The following ST18 variants were observed in gnomAD, a reference collection of about 807,000 sequenced individuals.
ST18 encodes suppression of tumorigenicity 18 protein.
In ST18, 50 loss-of-function variants were observed where a neutral mutation model predicts 110.0. The ratio of observed to expected loss-of-function variants is 0.45; its 90% CI spans 0.36 to 0.58. The LOEUF (loss-of-function observed/expected upper bound fraction) is 0.58, where lower values mean the gene tolerates loss of function less well. Among genes scored for constraint, ST18 ranks in the 20% least tolerant of loss-of-function variants. The pLI, the probability that ST18 is intolerant of heterozygous loss-of-function variation, is 0.00. For missense variants in ST18, 1,306 were observed against 1,280.1 expected (o/e 1.02, Z -0.31); for synonymous variants, 461 against 452.4 (o/e 1.02, Z -0.24).
At chr8:52,216,211 T>A (rs1450746430) in intron 6 of ST18, among the ~76,000 whole-genome samples, 1 of 152,146 alleles carries the variant, frequency 6.6e-6, no homozygotes, top group African/African-American at 2.4e-5. Flanking sequence ...TTAAGCTGAA[T>A]TCTATTTTGC....
chr8:52,316,493 C>T (rs2096029261), intron 2 of ST18, among the ~76,000 whole-genome samples: 1 of 152,156 alleles, frequency 6.6e-6, no homozygotes, highest in African/African-American at 2.4e-5. Context: ...TGAGTCTTCC[C>T]ATGAACACAA....
intron 2 of ST18, among the ~76,000 whole-genome samples, chr8:52,335,081 A>T (rs1811424871): frequency 6.6e-6 from 1 of 152,170 alleles, no homozygotes; most frequent in South Asian, 2.1e-4. Context: ...TTATTTCTAG[A>T]ATTTTACCTT....
chr8:52,331,924 C>T (rs1809622308), intron 2 of ST18, among the ~76,000 whole-genome samples: 1 of 152,156 alleles, frequency 6.6e-6, no homozygotes, highest in East Asian at 1.9e-4. Context: ...TTCTCACATT[C>T]TGCCATCATC....
intron 17 of ST18, among the ~76,000 whole-genome samples, chr8:52,138,655 C>A (rs2053513425): frequency 6.6e-6 from 1 of 152,100 alleles, no homozygotes; most frequent in African/African-American, 2.4e-5. Context: ...TAATAGATTC[C>A]TTGGTTTCTC....
intron 2 of ST18, among the ~76,000 whole-genome samples, chr8:52,272,602 G>T (rs999313852): frequency 2.7e-5 from 4 of 149,414 alleles, no homozygotes; most frequent in Non-Finnish European, 5.9e-5. Flanking sequence ...GGGAACCCTT[G>T]TATACTGCGG....
At chr8:52,148,413 A>G (rs1427626037) in intron 16 of ST18, among the ~76,000 whole-genome samples, 1 of 152,154 alleles carries the variant, frequency 6.6e-6, no homozygotes, top group Non-Finnish European at 1.5e-5. Flanking sequence ...TCAGATGCTG[A>G]GGATGTCTCC....
intron 15 of ST18, among the ~76,000 whole-genome samples, chr8:52,156,659 G>A (rs949041110): frequency 7.9e-5 from 12 of 152,180 alleles, no homozygotes; most frequent in African/African-American, 2.9e-4. Flanking sequence ...GAATAAATGA[G>A]ATTCTCTTCA....
chr8:52,366,615 G>A (rs770753192), intron 2 of ST18, among the ~76,000 whole-genome samples: 20 of 152,160 alleles, frequency 1.3e-4, no homozygotes, highest in Non-Finnish European at 2.6e-4. Context: ...CGCTTCATCT[G>A]CGTAACTGCC....
intron 15 of ST18, among the ~76,000 whole-genome samples, chr8:52,151,740 G>A (rs143942437): frequency 2.1e-4 from 32 of 152,194 alleles, no homozygotes; most frequent in African/African-American, 7.5e-4. Context: ...CCAACGTAAA[G>A]TAAAATGCTA....
At chr8:52,167,907 T>G (rs2063552039) in intron 10 of ST18, among the ~76,000 whole-genome samples, 1 of 151,936 alleles carries the variant, frequency 6.6e-6, no homozygotes, top group Admixed American at 6.6e-5. Context: ...TGGCACACAC[T>G]TTGCCACAAC....
chr8:52,200,466 G>A (rs975879246), intron 8 of ST18, among the ~76,000 whole-genome samples: 1 of 152,178 alleles, frequency 6.6e-6, no homozygotes, highest in African/African-American at 2.4e-5. Context: ...GGCAGGTCTG[G>A]GGGACCCAGC....
intron 2 of ST18, among the ~76,000 whole-genome samples, chr8:52,280,135 G>A (rs1039249516): frequency 2.0e-5 from 3 of 151,952 alleles, no homozygotes; most frequent in South Asian, 4.2e-4. Context: ...ACATATATGT[G>A]AAAATTTGTA....
intron 2 of ST18, among the ~76,000 whole-genome samples, chr8:52,374,928 A>G (rs1283008128): frequency 6.6e-6 from 1 of 152,058 alleles, no homozygotes; most frequent in Admixed American, 6.5e-5. Context: ...GTACTTTGTT[A>G]TGGCAGCCAC....
At chr8:52,185,625 A>G (rs2071774874) in intron 8 of ST18, among the ~76,000 whole-genome samples, 1 of 152,156 alleles carries the variant, frequency 6.6e-6, no homozygotes, top group Non-Finnish European at 1.5e-5. Context: ...GGGTCCAGAA[A>G]TAGACCCACA....
chr8:52,335,332 G>A (rs912088616), intron 2 of ST18, among the ~76,000 whole-genome samples: 10 of 150,412 alleles, frequency 6.6e-5, no homozygotes, highest in East Asian at 1.9e-4. Flanking sequence ...CCTCCCTCTC[G>A]CCTGCCTCAG....
intron 2 of ST18, among the ~76,000 whole-genome samples, chr8:52,278,699 C>T (rs2095320907): frequency 3.3e-5 from 5 of 152,164 alleles, no homozygotes; most frequent in Admixed American, 3.3e-4. Context: ...AGAAAACTGT[C>T]ATGCCTCGGA....
intron 2 of ST18, among the ~76,000 whole-genome samples, chr8:52,374,457 C>A (rs1410055157): frequency 6.6e-6 from 1 of 152,194 alleles, no homozygotes; most frequent in Non-Finnish European, 1.5e-5. Context: ...TATCAGACTT[C>A]TGGCCTCCTG....
intron 8 of ST18, among the ~76,000 whole-genome samples, chr8:52,211,230 T>C (rs1022425528): frequency 6.6e-6 from 1 of 152,004 alleles, no homozygotes; most frequent in African/African-American, 2.4e-5. Context: ...CTGGAAAACC[T>C]GTTAAGGTGG....
chr8:52,261,694 C>T (rs1195079162), intron 2 of ST18, among the ~76,000 whole-genome samples: 2 of 152,162 alleles, frequency 1.3e-5, no homozygotes, highest in African/African-American at 4.8e-5. Flanking sequence ...TCCCCACATC[C>T]CTTTAAAAAT....
Sources: allele counts gnomAD v4.1 joint callset (sites outside exome capture counted in the v4.1 genomes callset), GRCh38; gene constraint gnomAD v4.1.1; transcripts MANE v1.5; gene names NCBI Gene and HGNC (gene_info 2026-07-23, HGNC 2026-07-21).